GSK3B: variants seen among roughly 807,000 people sequenced by gnomAD.
The protein encoded by GSK3B is glycogen synthase kinase-3 beta.
GSK3B carries 15 observed loss-of-function variants against 56.4 expected under a neutral mutation model. The observed-to-expected ratio is 0.27, with a 90% CI of 0.18 to 0.41. The LOEUF (loss-of-function observed/expected upper bound fraction) is 0.41. Ranked by LOEUF, GSK3B falls within the 10% of genes least tolerant of loss-of-function variation. The pLI, the probability that GSK3B is intolerant of heterozygous loss-of-function variation, is 1.00. For missense variants in GSK3B, 300 were observed against 513.4 expected, an observed-to-expected ratio of 0.58 and a Z score of 4.02; for synonymous variants, 181 against 188.9, an observed-to-expected ratio of 0.96 and a Z score of 0.34.
chr3:120,042,687 A>T (rs1007519459), intron 1 of GSK3B, among the ~76,000 whole-genome samples: 3 of 152,246 alleles, frequency 2.0e-5, no homozygotes, highest in Non-Finnish European at 4.4e-5. Context: ...ATATTGACTC[A>T]GACAATGGAA....
intron 3 of GSK3B, among the ~76,000 whole-genome samples, chr3:119,941,777 C>T (rs1003719834): frequency 6.6e-6 from 1 of 152,148 alleles, no homozygotes; most frequent in Non-Finnish European, 1.5e-5. Context: ...TTGTTCCTTA[C>T]AAAACCCCTA....
rs144077624 is a variant in GSK3B, at chr3:120,000,622, C to G, written c.282+1424G>C. On this transcript the variant is annotated intron_variant, in intron 2 of 10. Transcript: ENST00000264235. ...GTTGGAAGAGTAGTAAAGGGAGCAA[C>G]GCTGCATAGTGACAGAGGCTTAATT... Among the ~76,000 whole-genome samples the G allele has an allele frequency of 2.0e-4, 31 of 152,114 alleles. No individual in the cohort carries two copies. In the East Asian group the frequency reaches 6.0e-3, roughly 29 times the overall value.
intron 2 of GSK3B, among the ~76,000 whole-genome samples, chr3:120,001,146 A>G (rs542792026): frequency 3.0e-5 from 2 of 67,092 alleles, no homozygotes; most frequent in East Asian, 8.5e-4. Context: ...TATTGGATCA[A>G]GGGGGTCAAC....
chr3:119,944,185 AT>A lies in GSK3B; in HGVS notation c.366+3082del, dbSNP rs1468009718. Among the ~76,000 whole-genome samples the A allele has an allele frequency of 2.0e-5, 3 of 152,058 alleles. No homozygotes were observed. In the East Asian group the frequency reaches 5.8e-4, roughly 29 times the overall value. The stretch of plus-strand genomic sequence containing the variant: ...ACAATGTCCTCAACTAATCTCCCTA[AT>A]TGCCTCCTCAAACTTCCTGTAGGCT... On this transcript the variant is annotated intron_variant, in intron 3 of 10. Coordinates refer to ENST00000264235, the MANE Select transcript of GSK3B (RefSeq NM_001146156.2).
chr3:119,886,371 T>C (rs541823530), intron 7 of GSK3B, among the ~76,000 whole-genome samples: 8 of 151,866 alleles, frequency 5.3e-5, no homozygotes, highest in Non-Finnish European at 1.2e-4. Context: ...CAATGGCTAA[T>C]TAAAAAGTAA....
intron 10 of GSK3B, among the ~76,000 whole-genome samples, chr3:119,828,205 C>CAA (rs1221176181): frequency 1.3e-5 from 2 of 152,292 alleles, no homozygotes; most frequent in East Asian, 3.9e-4. Flanking sequence ...GAAATACGTA[C>CAA]AACTCTACAA....
intron 1 of GSK3B, among the ~76,000 whole-genome samples, chr3:120,041,866 A>T (rs2058067323): frequency 1.3e-5 from 2 of 152,208 alleles, no homozygotes; most frequent in Admixed American, 1.3e-4. Context: ...TAGCCCAATA[A>T]TTGGTCTGCC....
chr3:120,062,325 T>C (rs1442089282), intron 1 of GSK3B, among the ~76,000 whole-genome samples: 4 of 152,208 alleles, frequency 2.6e-5, no homozygotes, highest in Non-Finnish European at 2.9e-5. Flanking sequence ...TTTCATTACA[T>C]GTTTGCTTCA....
chr3:119,946,445 T>C (rs2057100719), intron 3 of GSK3B, among the ~76,000 whole-genome samples: 1 of 152,176 alleles, frequency 6.6e-6, no homozygotes, highest in African/African-American at 2.4e-5. Context: ...CTAAGAACAT[T>C]AGATATTATA....
chr3:119,978,905 T>C (rs529610599), intron 2 of GSK3B, among the ~76,000 whole-genome samples: 2 of 152,324 alleles, frequency 1.3e-5, no homozygotes, highest in East Asian at 3.9e-4. Flanking sequence ...CTCAGCTTGA[T>C]GACTGTCCTC....
intron 9 of GSK3B, among the ~76,000 whole-genome samples, chr3:119,846,989 G>C (rs2055864559): frequency 6.6e-6 from 1 of 152,132 alleles, no homozygotes; most frequent in South Asian, 2.1e-4. Flanking sequence ...CTTTTGCAGG[G>C]ACATGGATGA....
At chr3:120,050,640 G>GGAA (rs1414215186) in intron 1 of GSK3B, among the ~76,000 whole-genome samples, 1 of 152,114 alleles carries the variant, frequency 6.6e-6, no homozygotes, top group Admixed American at 6.6e-5. Context: ...AAGATAGAGA[G>GGAA]GAAGAAGAAG....
chr3:119,886,826 T>C (rs1298149161), intron 7 of GSK3B, among the ~76,000 whole-genome samples: 1 of 152,034 alleles, frequency 6.6e-6, no homozygotes, highest in Admixed American at 6.6e-5. Flanking sequence ...TGGGTAATCA[T>C]GGACATAAAG....
At chr3:119,944,384 C>T (rs1316665945) in intron 3 of GSK3B, among the ~76,000 whole-genome samples, 2 of 152,158 alleles carry the variant, frequency 1.3e-5, no homozygotes, top group Non-Finnish European at 2.9e-5. Context: ...ACTGAAACCT[C>T]AAGAAGAAAA....
At chr3:119,959,047 T>C (rs1247516821) in intron 2 of GSK3B, among the ~76,000 whole-genome samples, 2 of 152,180 alleles carry the variant, frequency 1.3e-5, no homozygotes, top group African/African-American at 2.4e-5. Flanking sequence ...ATTGGTTGAC[T>C]CCCTCTCTCC....
At chr3:119,977,432 A>G (rs1374393883) in intron 2 of GSK3B, among the ~76,000 whole-genome samples, 3 of 152,196 alleles carry the variant, frequency 2.0e-5, no homozygotes, top group Admixed American at 6.5e-5. Flanking sequence ...TTTCCCAGGA[A>G]AAACTGAACT....
At chr3:120,027,826 A>G (rs1242255324) in intron 1 of GSK3B, among the ~76,000 whole-genome samples, 1 of 152,266 alleles carries the variant, frequency 6.6e-6, no homozygotes, top group East Asian at 1.9e-4. Flanking sequence ...TCTTTTTTGT[A>G]TCTCTCTGTA....
At chr3:119,892,949 A>C (rs1490485770) in intron 7 of GSK3B, among the ~76,000 whole-genome samples, 2 of 152,098 alleles carry the variant, frequency 1.3e-5, no homozygotes, top group African/African-American at 4.8e-5. Context: ...TATCATTTTC[A>C]CTTATAGAGG....
chr3:119,943,317 C>T (rs1234663350), intron 3 of GSK3B, among the ~76,000 whole-genome samples: 2 of 151,836 alleles, frequency 1.3e-5, no homozygotes, highest in Non-Finnish European at 1.5e-5. Context: ...AGCTTAGCTA[C>T]AATTCTAAAA....
Sources: gnomAD v4.1 joint callset for allele counts (sites outside exome capture counted in the v4.1 genomes callset) on GRCh38, gnomAD v4.1.1 for gene constraint, MANE v1.5 for transcripts, NCBI Gene and HGNC (gene_info 2026-07-23, HGNC 2026-07-21) for gene names.